PIBF1: variants seen among roughly 807,000 people sequenced by gnomAD.
PIBF1 encodes progesterone immunomodulatory binding factor 1, also known as progesterone-induced-blocking factor 1.
In PIBF1, 90 loss-of-function variants were observed where a neutral mutation model predicts 112.5. The observed-to-expected ratio is 0.80, with a 90% CI of 0.67 to 0.95. PIBF1 has a LOEUF of 0.95. Ranked by LOEUF, PIBF1 falls within the 40% of genes least tolerant of loss-of-function variation. PIBF1 has a pLI of 0.00. For missense variants in PIBF1, 915 were observed against 852.3 expected (o/e 1.07, Z -0.92); for synonymous variants, 301 against 288.6 (o/e 1.04, Z -0.44).
intron 10 of PIBF1, among the ~76,000 whole-genome samples, chr13:72,877,838 C>T (rs1380563143): frequency 6.6e-6 from 1 of 151,782 alleles, no homozygotes; most frequent in Non-Finnish European, 1.5e-5. Flanking sequence ...CAACCTCCGC[C>T]TCTCTGGTTC....
intron 9 of PIBF1, among the ~76,000 whole-genome samples, chr13:72,842,371 G>A (rs2037653105): frequency 6.6e-6 from 1 of 152,168 alleles, no homozygotes; most frequent in Non-Finnish European, 1.5e-5. Flanking sequence ...TTGAAAGGGG[G>A]TAGGCAGTAG....
chr13:72,788,723 A>G (rs928904463), intron 2 of PIBF1, among the ~76,000 whole-genome samples: 1 of 152,220 alleles, frequency 6.6e-6, no homozygotes, highest in African/African-American at 2.4e-5. Flanking sequence ...AAGGGATGGG[A>G]AGCTAACTGG....
chr13:72,989,778 A>G (rs2043412394), intron 16 of PIBF1, among the ~76,000 whole-genome samples: 2 of 152,220 alleles, frequency 1.3e-5, no homozygotes, highest in African/African-American at 4.8e-5. Context: ...TGGTATGTGA[A>G]TTATATCTCA....
chr13:72,858,930 A>G (rs1321747737), intron 10 of PIBF1, among the ~76,000 whole-genome samples: 1 of 152,182 alleles, frequency 6.6e-6, no homozygotes, highest in Non-Finnish European at 1.5e-5. Flanking sequence ...TTAGTAGATT[A>G]CATTACATAA....
chr13:72,894,408 C>T (rs1316270310), intron 11 of PIBF1, among the ~76,000 whole-genome samples: 1 of 151,726 alleles, frequency 6.6e-6, no homozygotes, highest in Non-Finnish European at 1.5e-5. Context: ...GAAAAACATA[C>T]AGAATAGTCA....
intron 13 of PIBF1, among the ~76,000 whole-genome samples, chr13:72,923,952 G>A (rs9600041): frequency 0.027 from 4,082 of 152,204 alleles, 74 homozygotes; most frequent in Non-Finnish European, 0.04. Context: ...CGACAAGAGC[G>A]AAACTCTAAC....
chr13:73,012,585 AAAAAAAAAC>A (rs2044236217), intron 17 of PIBF1, among the ~76,000 whole-genome samples: 1 of 146,428 alleles, frequency 6.8e-6, no homozygotes, highest in Non-Finnish European at 1.5e-5. Flanking sequence ...CAAAAAAAAC[AAAAAAAAAC>A]AAAAAAAACA....
In PIBF1 at chr13:72,984,864, A is replaced by G. The variant is rs140331006; in HGVS notation, c.2049+11189A>G. Among the ~76,000 whole-genome samples, 1,293 of 152,246 alleles carry G rather than the reference A, an allele frequency of 8.5e-3. 65 individuals are homozygous for G. Among genetic ancestry groups the G allele is most frequent in the East Asian group, 9.6e-3 (50 of 5,190 alleles). ...AATATATTAATATCTCATCATAAAA[A>G]TATTTTATCTGTGCATATATACCCT... is the stretch of plus-strand genomic sequence containing the variant. On this transcript the variant is annotated intron_variant, in intron 16 of 17. Coordinates refer to ENST00000326291, the MANE Select transcript of PIBF1 (RefSeq NM_006346.4).
At chr13:72,868,828 T>TAAAA (rs56290400) in intron 10 of PIBF1, among the ~76,000 whole-genome samples, 2 of 114,268 alleles carry the variant, frequency 1.8e-5, no homozygotes, top group African/African-American at 3.3e-5. Context: ...TCCCAAAAAG[T>TAAAA]AAAAAAAAAA....
At chr13:72,910,595 A>G (rs565644539) in intron 12 of PIBF1, among the ~76,000 whole-genome samples, 4 of 152,288 alleles carry the variant, frequency 2.6e-5, no homozygotes, top group African/African-American at 4.8e-5. Context: ...AGGGTTTCCT[A>G]TTTTCATGAT....
At chr13:72,867,444 T>G (rs532836890) in intron 10 of PIBF1, among the ~76,000 whole-genome samples, 86 of 152,364 alleles carry the variant, frequency 5.6e-4, no homozygotes, top group African/African-American at 1.9e-3. Flanking sequence ...CAAAAAATAT[T>G]AACTATTATT....
chr13:72,973,515 C>A (rs904850488), intron 15 of PIBF1, 76 bp from the exon 16 acceptor site: 6 of 706,088 alleles, frequency 8.5e-6, no homozygotes, highest in African/African-American at 7.7e-5. Context: ...CATGTTTATT[C>A]TTTTAATATT....
chr13:72,871,367 G>A (rs752381430), intron 10 of PIBF1, among the ~76,000 whole-genome samples: 6 of 151,882 alleles, frequency 4.0e-5, no homozygotes, highest in South Asian at 2.1e-4. Context: ...GTGCAATGGC[G>A]CAATCTTGGC....
At chr13:72,787,960 C>T (rs541273835) in intron 2 of PIBF1, among the ~76,000 whole-genome samples, 2 of 152,304 alleles carry the variant, frequency 1.3e-5, no homozygotes, top group East Asian at 1.9e-4. Context: ...CCATGCCATA[C>T]ACTTTTTAGC....
chr13:72,847,604 C>A (rs1257981762), intron 9 of PIBF1, among the ~76,000 whole-genome samples: 1 of 152,154 alleles, frequency 6.6e-6, no homozygotes, highest in African/African-American at 2.4e-5. Context: ...AACTTTTAAA[C>A]CAAGGCACCA....
intron 10 of PIBF1, among the ~76,000 whole-genome samples, chr13:72,858,202 CCACCA>C (rs1444722465): frequency 6.6e-6 from 1 of 152,034 alleles, no homozygotes; most frequent in African/African-American, 2.4e-5. Context: ...CAGGCACGTG[CCACCA>C]CACCCGGCTA....
chr13:72,992,029 T>A lies in PIBF1; in HGVS notation c.2050-6793T>A, dbSNP rs141587570. Among the ~76,000 whole-genome samples the A allele has an allele frequency of 8.6e-3, 1,308 of 152,236 alleles. 39 individuals carry two copies. Among genetic ancestry groups the A allele is most frequent in the East Asian group, 0.061 (316 of 5,144 alleles). ...CACCGTGCCCAGCCCCCGTCTCAAT[T>A]TTTTTAAAACTGTCTCAGCTGGGCA... On this transcript the variant is annotated intron_variant, in intron 16 of 17. Coordinates refer to ENST00000326291, the MANE Select transcript of PIBF1 (RefSeq NM_006346.4).
chr13:72,874,841 CCCTACA>C (rs914063512), intron 10 of PIBF1, among the ~76,000 whole-genome samples: 3 of 152,114 alleles, frequency 2.0e-5, no homozygotes, highest in African/African-American at 4.8e-5. Context: ...TAACCCCTAC[CCCTACA>C]CATGTATAGC....
chr13:72,818,480 C>T (rs1212656526), intron 5 of PIBF1, among the ~76,000 whole-genome samples: 1 of 152,070 alleles, frequency 6.6e-6, no homozygotes, highest in East Asian at 1.9e-4. Flanking sequence ...GGTTCCTTGC[C>T]ATCCAGAACT....
Sources: allele counts gnomAD v4.1 joint callset (sites outside exome capture counted in the v4.1 genomes callset), GRCh38; gene constraint gnomAD v4.1.1; transcripts MANE v1.5; gene names NCBI Gene and HGNC (gene_info 2026-07-23, HGNC 2026-07-21).